PPP2R5E: variants seen among roughly 807,000 people sequenced by gnomAD.
The protein encoded by PPP2R5E is protein phosphatase 2 regulatory subunit B'epsilon, also known as serine/threonine-protein phosphatase 2A 56 kDa regulatory subunit epsilon isoform.
A neutral mutation model predicts 65.3 loss-of-function variants in PPP2R5E; 4 were observed. That is an observed-to-expected ratio of 0.06 (90% CI 0.03 to 0.14). The LOEUF is 0.14. PPP2R5E is among the 10% of genes least tolerant of loss of function. PPP2R5E has a pLI of 1.00. For synonymous variants in PPP2R5E, 183 were observed against 187.4 expected (o/e 0.98, Z 0.19); for missense variants, 274 against 556.1 (o/e 0.49, Z 5.10).
At chr14:63,503,784 A>G (rs994465648) in intron 2 of PPP2R5E, among the ~76,000 whole-genome samples, 7 of 152,194 alleles carry the variant, frequency 4.6e-5, no homozygotes, top group Non-Finnish European at 1.0e-4. Context: ...GGGCCTTGAA[A>G]GCCCTTATTT....
chr14:63,380,674 A>C (rs1884300770), intron 13 of PPP2R5E, among the ~76,000 whole-genome samples: 1 of 152,076 alleles, frequency 6.6e-6, no homozygotes, highest in Non-Finnish European at 1.5e-5. Context: ...AAAACAAAAA[A>C]AAAAAAGTTG....
chr14:63,402,035 G>A (rs1885782596), intron 5 of PPP2R5E, among the ~76,000 whole-genome samples: 1 of 152,166 alleles, frequency 6.6e-6, no homozygotes, highest in Non-Finnish European at 1.5e-5. Context: ...AGTCTGGAGA[G>A]AATGAGTAAG....
chr14:63,536,546 C>T (rs914593290), intron 2 of PPP2R5E, among the ~76,000 whole-genome samples: 1 of 152,092 alleles, frequency 6.6e-6, no homozygotes, highest in Non-Finnish European at 1.5e-5. Context: ...AAATGAAAGC[C>T]AGAACTTAAA....
intron 3 of PPP2R5E, chr14:63,453,163 A>C (rs1250318543): frequency 6.6e-6 from 1 of 152,230 alleles, no homozygotes; most frequent in East Asian, 1.9e-4. Context: ...CACAAAATCT[A>C]AGACACTATT....
chr14:63,420,053 A>C (rs1037416372), intron 4 of PPP2R5E, among the ~76,000 whole-genome samples: 1 of 152,214 alleles, frequency 6.6e-6, no homozygotes, highest in African/African-American at 2.4e-5. Flanking sequence ...AATAATGAGT[A>C]AAAGTTTATT....
At chr14:63,453,646 G>A (rs1385370377) in intron 3 of PPP2R5E, 43 bp downstream of exon 3, 2 of 1,577,190 alleles carry the variant, frequency 1.3e-6, no homozygotes, top group Non-Finnish European at 1.7e-6. Flanking sequence ...GAGTCACTAT[G>A]GAAGATGCTT....
intron 2 of PPP2R5E, among the ~76,000 whole-genome samples, chr14:63,526,206 C>A (rs1300880136): frequency 2.0e-5 from 3 of 152,158 alleles, no homozygotes; most frequent in African/African-American, 7.2e-5. Context: ...GCAAAACTAA[C>A]ATGGCTCAAA....
chr14:63,538,222 T>C (rs548862785), intron 2 of PPP2R5E, among the ~76,000 whole-genome samples: 34 of 151,244 alleles, frequency 2.2e-4, no homozygotes, highest in African/African-American at 8.2e-4. Flanking sequence ...CACTTGAGCC[T>C]AGGAAATAGA....
chr14:63,495,110 G>A (rs1050801329), intron 2 of PPP2R5E, among the ~76,000 whole-genome samples: 1 of 151,640 alleles, frequency 6.6e-6, no homozygotes, highest in African/African-American at 2.4e-5. Context: ...GGCTGAGGCA[G>A]GACAATCACT....
At chr14:63,407,754 C>T (rs1886172681) in intron 5 of PPP2R5E, among the ~76,000 whole-genome samples, 1 of 152,210 alleles carries the variant, frequency 6.6e-6, no homozygotes, top group East Asian at 1.9e-4. Context: ...GGAAGTAAGG[C>T]CTTTTGGTGT....
intron 3 of PPP2R5E, among the ~76,000 whole-genome samples, chr14:63,438,734 C>T (rs952747916): frequency 1.3e-5 from 2 of 152,184 alleles, no homozygotes; most frequent in Non-Finnish European, 2.9e-5. Context: ...ATAGCAATCT[C>T]GAGTAGCTCA....
At chr14:63,507,575 CTTTT>C (rs756154248) in intron 2 of PPP2R5E, among the ~76,000 whole-genome samples, 1 of 105,498 alleles carries the variant, frequency 9.5e-6, no homozygotes, top group Non-Finnish European at 1.9e-5. Context: ...GGGTAATTCT[CTTTT>C]TTTTTTTTTT....
intron 2 of PPP2R5E, among the ~76,000 whole-genome samples, chr14:63,519,794 T>A (rs1566758807): frequency 6.6e-6 from 1 of 151,686 alleles, no homozygotes; most frequent in Admixed American, 6.6e-5. Context: ...CCCGAGTAGC[T>A]GGGATTACAG....
In PPP2R5E at chr14:63,421,052, C is replaced by CAAAAA. The variant is rs56297942; in HGVS notation, c.456+936_456+940dup. Among the ~76,000 whole-genome samples, 6 of 10,294 alleles carry CAAAAA rather than the reference C, an allele frequency of 5.8e-4. 2 individuals carry two copies. The highest frequency in any genetic ancestry group is 1.2e-3 in the African/African-American group (2 of 1,730). 6.8% of individuals were successfully genotyped at this position (10,294 alleles called of 152,430 possible). Reference sequence around the variant, plus strand: ...TGGGCGACAGAGCGAGACTCCGTCTCAAAAAAAAAAAAAAAAAAAAAAAAA... The same window carrying CAAAAA: ...TGGGCGACAGAGCGAGACTCCGTCTCAAAAAAAAAAAAAAAAAAAAAAAAAAAAAA... On this transcript the variant is annotated intron_variant, in intron 4 of 13. Coordinates refer to ENST00000337537, the MANE Select transcript of PPP2R5E (RefSeq NM_006246.5).
At chr14:63,388,438 C>T (rs533264935) in intron 11 of PPP2R5E, among the ~76,000 whole-genome samples, 4 of 152,036 alleles carry the variant, frequency 2.6e-5, no homozygotes, top group South Asian at 2.1e-4. Flanking sequence ...TGCGCCCAGC[C>T]GATGATGCTC....
intron 1 of PPP2R5E, among the ~76,000 whole-genome samples, chr14:63,542,276 T>G (rs1470934635): frequency 6.6e-6 from 1 of 152,156 alleles, no homozygotes; most frequent in African/African-American, 2.4e-5. Flanking sequence ...GGTTTCGCCC[T>G]GGGCCAGGGC....
At chr14:63,459,690 T>C (rs1889349434) in intron 2 of PPP2R5E, among the ~76,000 whole-genome samples, 1 of 152,180 alleles carries the variant, frequency 6.6e-6, no homozygotes, top group African/African-American at 2.4e-5. Flanking sequence ...GGTGGTGATG[T>C]GATATTTCAC....
intron 5 of PPP2R5E, among the ~76,000 whole-genome samples, chr14:63,410,129 A>T (rs1886317409): frequency 6.6e-6 from 1 of 152,246 alleles, no homozygotes; most frequent in African/African-American, 2.4e-5. Flanking sequence ...TACAGAAAAT[A>T]AGTTGAAATC....
At chr14:63,381,602 C>T (rs1049612093) in intron 13 of PPP2R5E, among the ~76,000 whole-genome samples, 1 of 152,148 alleles carries the variant, frequency 6.6e-6, no homozygotes, top group African/African-American at 2.4e-5. Context: ...AATAAAGACA[C>T]AGTTAATAAG....
Sources: allele counts gnomAD v4.1 joint callset (sites outside exome capture counted in the v4.1 genomes callset), GRCh38; gene constraint gnomAD v4.1.1; transcripts MANE v1.5; gene names NCBI Gene and HGNC (gene_info 2026-07-23, HGNC 2026-07-21).